Variants in DSCAM observed in about 807,000 individuals in gnomAD.
The protein encoded by DSCAM is cell adhesion molecule DSCAM.
In DSCAM, 47 loss-of-function variants were observed where a neutral mutation model predicts 217.7. The ratio of observed to expected loss-of-function variants is 0.22; its 90% CI spans 0.17 to 0.28. DSCAM has a LOEUF of 0.28. DSCAM is among the 10% of genes least tolerant of loss of function. The probability of loss-of-function intolerance (pLI) is 1.00; values close to 1 mark genes in which losing one functional copy is unlikely to be tolerated. For missense variants in DSCAM, 2,080 were observed against 2,618.3 expected, an observed-to-expected ratio of 0.79 and a Z score of 4.49; for synonymous variants, 1,056 against 1,015.3, an observed-to-expected ratio of 1.04 and a Z score of -0.76.
intron 20 of DSCAM, among the ~76,000 whole-genome samples, chr21:40,122,732 T>C (rs1338354363): frequency 6.6e-6 from 1 of 152,186 alleles, no homozygotes; most frequent in Non-Finnish European, 1.5e-5. Flanking sequence ...TACGTTTACA[T>C]ATTGACTTCA....
intron 27 of DSCAM, among the ~76,000 whole-genome samples, chr21:40,072,551 T>A (rs2089310080): frequency 6.6e-6 from 1 of 151,968 alleles, no homozygotes; most frequent in Non-Finnish European, 1.5e-5. Flanking sequence ...GGTTTCACCA[T>A]GTTAGCCAGG....
chr21:40,731,405 G>T (rs2091009332), intron 1 of DSCAM, among the ~76,000 whole-genome samples: 1 of 152,192 alleles, frequency 6.6e-6, no homozygotes, highest in African/African-American at 2.4e-5. Context: ...GGAGGGGAAA[G>T]TTGAGGCTAT....
chr21:40,055,730 G>A lies in DSCAM; in HGVS notation c.5030C>T (p.Thr1677Ile), dbSNP rs751755553. The A allele has an allele frequency of 1.2e-6, 2 of 1,611,334 alleles. No individual in the cohort carries two copies. The highest frequency in any genetic ancestry group is 1.7e-5 in the Admixed American group (1 of 60,008). Residue 1677 changes from threonine (T) to isoleucine (I), a missense_variant, in exon 29 of 33, where the codon ACC becomes ATC. Physicochemically the swap from Thr to Ile is moderately conservative, Grantham distance 89 (BLOSUM62 -1). Coordinates refer to ENST00000400454, the MANE Select transcript of DSCAM (RefSeq NM_001389.5). ...LLIEERDTME[T>I]IDDRSTVLLT... is the part of the protein sequence containing the mutation. The stretch of plus-strand genomic sequence containing the variant: ...TGGCAAATAGGGCAGCTTACCAATG[G>A]TCTCCATCGTGTCTCTCTCTTCAAT...
intron 3 of DSCAM, among the ~76,000 whole-genome samples, chr21:40,484,636 T>C (rs79163713): frequency 2.0e-5 from 3 of 149,504 alleles, no homozygotes; most frequent in Non-Finnish European, 3.0e-5. Flanking sequence ...TGGTTTTTTT[T>C]CCTCTGGTTC....
intron 4 of DSCAM, among the ~76,000 whole-genome samples, chr21:40,363,948 T>C (rs369699035): frequency 1.3e-5 from 2 of 152,092 alleles, no homozygotes; most frequent in East Asian, 1.9e-4. Context: ...CACTGGCCAT[T>C]AGAGAAATGC....
Position 40,298,887 on chromosome 21 carries a change from A to C in DSCAM, c.2063-2713T>G, listed in dbSNP as rs78886773. 7.8e-4 allele frequency among the ~76,000 whole-genome samples: 119 copies of C among 152,312 alleles called. No individual in the cohort carries two copies. In the East Asian group the frequency reaches 0.018, roughly 23 times the overall value. Reference sequence around the variant, plus strand: ...TTCTAATCCAACGAAATGTTCCTTAAAATCTCATCAAAGAAGTGTATATGA... The same window carrying C: ...TTCTAATCCAACGAAATGTTCCTTACAATCTCATCAAAGAAGTGTATATGA... On this transcript the variant is annotated intron_variant, in intron 9 of 32. Coordinates refer to ENST00000400454, the MANE Select transcript of DSCAM (RefSeq NM_001389.5).
chr21:40,467,930 C>CAAAAAAAAAAAAAAAAAAAAAATAAACA (rs56379350), intron 3 of DSCAM, among the ~76,000 whole-genome samples: 2 of 84,388 alleles, frequency 2.4e-5, no homozygotes, highest in East Asian at 4.0e-4. Flanking sequence ...AAAGATTAAC[C>CAAAAAAAAAAAAAAAAAAAAAATAAACA]AAAAAAAAAA....
chr21:40,833,523 A>C (rs535316019), intron 1 of DSCAM, among the ~76,000 whole-genome samples: 33 of 152,350 alleles, frequency 2.2e-4, no homozygotes, highest in African/African-American at 7.7e-4. Flanking sequence ...TCAAACACTA[A>C]TTAGCATAAT....
At chr21:40,156,295 G>GAGAC (rs2090477004) in intron 16 of DSCAM, among the ~76,000 whole-genome samples, 1 of 80,550 alleles carries the variant, frequency 1.2e-5, no homozygotes, top group Non-Finnish European at 2.3e-5. Flanking sequence ...GACAGAGAGA[G>GAGAC]AGAGAGAGAG....
chr21:40,463,297 T>C (rs911326588), intron 3 of DSCAM, among the ~76,000 whole-genome samples: 2 of 152,088 alleles, frequency 1.3e-5, no homozygotes, highest in African/African-American at 4.8e-5. Flanking sequence ...TCACATGTGG[T>C]GAGCTGGACA....
At chr21:40,522,763 A>T (rs62225546) in intron 3 of DSCAM, among the ~76,000 whole-genome samples, 11,886 of 152,266 alleles carry the variant, frequency 0.078, 636 homozygotes, top group Middle Eastern at 0.16. Context: ...TTCAGATGCC[A>T]AATCTTCCTG....
chr21:40,845,606 C>G (rs993439516), intron 1 of DSCAM, among the ~76,000 whole-genome samples: 5 of 151,190 alleles, frequency 3.3e-5, no homozygotes, highest in Non-Finnish European at 1.5e-5. Context: ...TCCCTCCTCT[C>G]TTTCTCTCTC....
intron 18 of DSCAM, among the ~76,000 whole-genome samples, chr21:40,140,606 A>T (rs1298513092): frequency 2.6e-5 from 4 of 152,192 alleles, no homozygotes; most frequent in Non-Finnish European, 4.4e-5. Context: ...AAGGAGTAGA[A>T]ATCAGAAGAA....
At chr21:40,316,839 T>A (rs1452355576) in intron 8 of DSCAM, among the ~76,000 whole-genome samples, 1 of 152,206 alleles carries the variant, frequency 6.6e-6, no homozygotes, top group Non-Finnish European at 1.5e-5. Context: ...TAGATCAGAC[T>A]GATATATTTC....
At chr21:40,560,001 G>A (rs555256529) in intron 3 of DSCAM, among the ~76,000 whole-genome samples, 21 of 152,010 alleles carry the variant, frequency 1.4e-4, no homozygotes, top group Non-Finnish European at 2.2e-4. Flanking sequence ...CACCGTGTTA[G>A]CCAGGATGGT....
At chr21:40,729,837 A>C (rs1337816944) in intron 1 of DSCAM, among the ~76,000 whole-genome samples, 1 of 152,208 alleles carries the variant, frequency 6.6e-6, no homozygotes, top group African/African-American at 2.4e-5. Flanking sequence ...TTCAACATAC[A>C]CTGTGGTATT....
chr21:40,485,517 C>T (rs1015882080), intron 3 of DSCAM, among the ~76,000 whole-genome samples: 2 of 151,914 alleles, frequency 1.3e-5, no homozygotes, highest in Non-Finnish European at 1.5e-5. Context: ...GCTGGGATTA[C>T]AGGCGTGAGC....
At chr21:40,142,364 C>T (rs1394874639) in intron 18 of DSCAM, among the ~76,000 whole-genome samples, 194 bp downstream of exon 18, 2 of 152,038 alleles carry the variant, frequency 1.3e-5, no homozygotes, top group South Asian at 2.1e-4. Flanking sequence ...ACTTGGGTTT[C>T]GAAGGTGTGT....
intron 8 of DSCAM, among the ~76,000 whole-genome samples, chr21:40,337,213 G>A (rs1017672650): frequency 2.0e-5 from 3 of 152,098 alleles, no homozygotes; most frequent in Non-Finnish European, 4.4e-5. Context: ...TGTAACAAGG[G>A]CAACTAAAAG....
Sources: gnomAD v4.1 joint callset for allele counts (sites outside exome capture counted in the v4.1 genomes callset) on GRCh38, gnomAD v4.1.1 for gene constraint, MANE v1.5 for transcripts, NCBI Gene and HGNC (gene_info 2026-07-23, HGNC 2026-07-21) for gene names.